CP: variants seen among roughly 807,000 people sequenced by gnomAD.
The protein encoded by CP is caeruloplasmin.
A neutral mutation model predicts 122.4 loss-of-function variants in CP; 64 were observed. The observed-to-expected ratio is 0.52, with a 90% confidence interval of 0.43 to 0.64. CP has a LOEUF of 0.64. Ranked by LOEUF, CP falls within the 30% of genes least tolerant of loss-of-function variation. The pLI is 0.00. For missense variants in CP, 1,167 were observed against 1,284.4 expected (o/e 0.91, Z 1.40); for synonymous variants, 440 against 436.4 (o/e 1.01, Z -0.10).
chr3:149,166,530 TATC>T (rs1225947037), intron 4 of CP, among the ~76,000 whole-genome samples: 1 of 152,248 alleles, frequency 6.6e-6, no homozygotes, highest in Non-Finnish European at 1.5e-5. Context: ...TTACTCATTT[TATC>T]ATAAACTTTT....
chr3:149,166,287 GTCTTAT>G (rs1724405786), intron 4 of CP, among the ~76,000 whole-genome samples: 1 of 152,144 alleles, frequency 6.6e-6, no homozygotes, highest in South Asian at 2.1e-4. Flanking sequence ...AATCACTTTA[GTCTTAT>G]TAAGTGTTAA....
intron 1 of CP, among the ~76,000 whole-genome samples, chr3:149,216,697 C>A (rs911028723): frequency 6.6e-6 from 1 of 152,118 alleles, no homozygotes; most frequent in African/African-American, 2.4e-5. Flanking sequence ...AAGTGATTTG[C>A]CGGTTCTAAC....
chr3:149,221,716 A>G lies in CP; in HGVS notation c.77T>C (p.Ile26Thr), dbSNP rs1728821865. 1 of 1,613,336 alleles carries G rather than the reference A, an allele frequency of 6.2e-7. No individual in the cohort carries two copies. Among genetic ancestry groups the G allele is most frequent in the Non-Finnish European group, 8.5e-7 (1 of 1,179,706 alleles). The change falls in exon 1 of 19, where the codon ATT becomes ACT. Residue 26 changes from isoleucine to threonine, a missense_variant. This residue lies in a region of CP where 642 missense variants were observed against 627.3 expected (regional missense o/e 1.02). Transcript: ENST00000264613. Reference sequence around the variant, plus strand: ...ATCCCAAGTCGTTTCAATAATTCCAATGTAATAATGCTTTTCTTTCGCCCA... The same window carrying G: ...ATCCCAAGTCGTTTCAATAATTCCAGTGTAATAATGCTTTTCTTTCGCCCA... ...PAWAKEKHYY[I>T]GIIETTWDYA... is the part of the protein sequence containing the mutation.
intron 5 of CP, among the ~76,000 whole-genome samples, chr3:149,163,139 T>C (rs1724057603): frequency 6.6e-6 from 1 of 152,192 alleles, no homozygotes; most frequent in Non-Finnish European, 1.5e-5. Context: ...TGCCAAAGCA[T>C]GGAGAAAGGG....
chr3:149,166,756 C>A (rs1204843811), intron 4 of CP, among the ~76,000 whole-genome samples: 4 of 152,012 alleles, frequency 2.6e-5, no homozygotes, highest in Admixed American at 6.6e-5. Context: ...CTAAAGAATG[C>A]CCATTGGTTT....
chr3:149,166,326 T>A (rs1724412166), intron 4 of CP, among the ~76,000 whole-genome samples: 1 of 152,216 alleles, frequency 6.6e-6, no homozygotes, highest in African/African-American at 2.4e-5. Flanking sequence ...CATATGTATG[T>A]AGCACATGCT....
At chr3:149,200,512 T>C (rs1391803384) in intron 7 of CP, among the ~76,000 whole-genome samples, 3 of 152,118 alleles carry the variant, frequency 2.0e-5, no homozygotes. Flanking sequence ...TTTTTCTTTT[T>C]CTTTTTTTGA....
intron 5 of CP, chr3:149,162,902 A>T (rs1423834365): frequency 6.3e-7 from 1 of 1,576,618 alleles, no homozygotes; most frequent in Non-Finnish European, 8.7e-7. Flanking sequence ...ATAATACCTT[A>T]AATTTAACTC....
At chr3:149,162,864 A>C in exon 6 of CP, 1 of 1,613,554 alleles carries the variant, frequency 6.2e-7, no homozygotes, top group Non-Finnish European at 8.5e-7. Context: ...ACCATTGCGA[A>C]CATCGGAGGA....
chr3:149,218,530 T>C (rs9841442), intron 1 of CP, among the ~76,000 whole-genome samples: 61,094 of 151,974 alleles, frequency 0.4, 14,029 homozygotes, highest in East Asian at 0.55. Context: ...CATTTTTCTC[T>C]TTTAATATCT....
At chr3:149,197,422 A>G (rs1192814070) in intron 9 of CP, among the ~76,000 whole-genome samples, 1 of 152,176 alleles carries the variant, frequency 6.6e-6, no homozygotes, top group African/African-American at 2.4e-5. Context: ...GGAAACCATC[A>G]TCAGTAGCTG....
chr3:149,197,876 G>T (rs1264010934), intron 9 of CP, among the ~76,000 whole-genome samples: 1 of 152,176 alleles, frequency 6.6e-6, no homozygotes, highest in Non-Finnish European at 1.5e-5. Flanking sequence ...CTGCTGTGCA[G>T]CCCAGTTCCT....
intron 13 of CP, among the ~76,000 whole-genome samples, 198 bp from the exon 14 acceptor site, chr3:149,182,331 T>A (rs560364378): frequency 2.0e-4 from 30 of 152,304 alleles, no homozygotes; most frequent in African/African-American, 6.7e-4. Context: ...TCTTAAGAGT[T>A]CTAGGGGAGG....
chr3:149,192,304 A>T (rs1576751135), intron 9 of CP, among the ~76,000 whole-genome samples: 2 of 152,164 alleles, frequency 1.3e-5, no homozygotes, highest in South Asian at 4.1e-4. Flanking sequence ...TAAAGAATAG[A>T]TTTGTTAATA....
chr3:149,207,275 T>C, intron 5 of CP, 88 bp downstream of exon 5: 2 of 1,531,538 alleles, frequency 1.3e-6, no homozygotes, highest in Non-Finnish European at 1.8e-6. Context: ...AAAGCTCAGA[T>C]TATTTCAAAG....
intron 6 of CP, among the ~76,000 whole-genome samples, chr3:149,204,064 C>T (rs537709749): frequency 4.6e-5 from 7 of 152,232 alleles, no homozygotes; most frequent in East Asian, 1.9e-4. Flanking sequence ...GAGAAAAGAG[C>T]GAGCATGCCA....
intron 9 of CP, among the ~76,000 whole-genome samples, chr3:149,197,388 A>C (rs1726961799): frequency 6.6e-6 from 1 of 152,192 alleles, no homozygotes; most frequent in African/African-American, 2.4e-5. Context: ...ACTATTATGC[A>C]ACACTGATTA....
chr3:149,206,840 G>C (rs940641133), intron 5 of CP, among the ~76,000 whole-genome samples: 1 of 152,128 alleles, frequency 6.6e-6, no homozygotes, highest in African/African-American at 2.4e-5. Context: ...GCACGTCAAA[G>C]TAAAATATCT....
At chr3:149,220,035 A>T (rs950899766) in intron 1 of CP, among the ~76,000 whole-genome samples, 1 of 152,192 alleles carries the variant, frequency 6.6e-6, no homozygotes, top group Admixed American at 6.5e-5. Context: ...GAAGAGACTA[A>T]TATAGTCACA....
Sources: allele counts gnomAD v4.1 joint callset (sites outside exome capture counted in the v4.1 genomes callset), GRCh38; gene constraint gnomAD v4.1.1; regional missense constraint gnomAD v4.1.1; transcripts MANE v1.5; gene names NCBI Gene and HGNC (gene_info 2026-07-23, HGNC 2026-07-21).